PREP: variants seen among roughly 807,000 people sequenced by gnomAD.
PREP encodes prolyl endopeptidase.
A neutral mutation model predicts 87.6 loss-of-function variants in PREP; 29 were observed. The observed-to-expected ratio is 0.33, with a 90% CI of 0.25 to 0.45. PREP has a LOEUF of 0.45. Among genes scored for constraint, PREP ranks in the 20% least tolerant of loss-of-function variants. PREP has a pLI of 1.00. For synonymous variants in PREP, 337 were observed against 328.6 expected (o/e 1.03, Z -0.28); for missense variants, 695 against 886.5 (o/e 0.78, Z 2.74).
At chr6:105,346,190 T>C (rs1771791732) in intron 7 of PREP, among the ~76,000 whole-genome samples, 1 of 152,194 alleles carries the variant, frequency 6.6e-6, no homozygotes, top group African/African-American at 2.4e-5. Flanking sequence ...TTTGCTAAGC[T>C]TTGGACAGCT....
Position 105,333,322 on chromosome 6 carries a change from T to C in PREP, c.1007A>G (p.Asp336Gly). Residue 336 changes from aspartate to glycine, a missense_variant, in exon 8 of 15, where the codon GAT (aspartate) becomes GGT (glycine). Around this residue, in one of 5 missense-constraint regions of PREP, gnomAD observed 517 missense variants for 620.3 expected, o/e 0.83. Coordinates refer to ENST00000652536, the MANE Select transcript of PREP (RefSeq NM_002726.5). ...WKVLVPEHEK[D>G]VLEWIACVRS... is the part of the protein sequence containing the mutation. ...GTCACATGTGTTCTCACCTAAGACA[T>C]CTTTCTCATGCTCAGGAACAAGTAC... The C allele has an allele frequency of 1.9e-6, 3 of 1,613,794 alleles. No individual in the cohort carries two copies. Among genetic ancestry groups the C allele is most frequent in the Non-Finnish European group, 2.5e-6 (3 of 1,179,670 alleles).
chr6:105,349,898 TAAAAAAAAA>T (rs1162063177), intron 7 of PREP, among the ~76,000 whole-genome samples: 10 of 59,444 alleles, frequency 1.7e-4, no homozygotes, highest in Admixed American at 4.3e-4. Context: ...GGGAAGCAGG[TAAAAAAAAA>T]AAAAAAAAAA....
At position 105,277,128 on chromosome 6, in the gene PREP, A is replaced by C. The variant is rs567404370; in HGVS notation, c.*1016T>G. On this transcript the variant is annotated 3_prime_UTR_variant, in exon 15 of 15. Coordinates refer to ENST00000652536, the MANE Select transcript of PREP (RefSeq NM_002726.5). ...TGGATGAAAGTTTAAGGAATAGTAT[A>C]TCTTAAAAATCTTGGGGGTGGGCAA... Among the ~76,000 whole-genome samples, 1 of 151,480 alleles carries C rather than the reference A, an allele frequency of 6.6e-6. No individual in the cohort carries two copies. The highest frequency in any genetic ancestry group is 1.9e-4 in the East Asian group (1 of 5,136).
chr6:105,309,263 T>A (rs1770710926), intron 10 of PREP, among the ~76,000 whole-genome samples: 1 of 152,156 alleles, frequency 6.6e-6, no homozygotes, highest in South Asian at 2.1e-4. Context: ...CCCTACTGTT[T>A]TAGTTTTGAT....
At chr6:105,322,773 T>C in intron 10 of PREP, 1 of 1,050,228 alleles carries the variant, frequency 9.5e-7, no homozygotes, top group South Asian at 3.4e-5. Flanking sequence ...GCCCACCACC[T>C]GTTTTAGTAA....
At chr6:105,345,154 A>G (rs932832842) in intron 7 of PREP, among the ~76,000 whole-genome samples, 1 of 152,240 alleles carries the variant, frequency 6.6e-6, no homozygotes, top group East Asian at 1.9e-4. Context: ...CAGTTCAACA[A>G]TGGGGCTCAT....
chr6:105,349,345 G>C (rs1429652824), intron 7 of PREP, among the ~76,000 whole-genome samples: 1 of 152,204 alleles, frequency 6.6e-6, no homozygotes, highest in Non-Finnish European at 1.5e-5. Context: ...ACACTTATTT[G>C]ACAAAATGAA....
chr6:105,370,483 A>C (rs1341028503), intron 5 of PREP, among the ~76,000 whole-genome samples: 21 of 152,044 alleles, frequency 1.4e-4, no homozygotes, highest in Non-Finnish European at 1.5e-5. Flanking sequence ...TTCTTATAAA[A>C]CTGAACAGAC....
At chr6:105,343,726 T>C (rs1771722387) in intron 7 of PREP, among the ~76,000 whole-genome samples, 1 of 152,162 alleles carries the variant, frequency 6.6e-6, no homozygotes, top group East Asian at 1.9e-4. Flanking sequence ...GAACAGACAC[T>C]TCTCAAAAGA....
At chr6:105,366,201 C>G (rs10214906) in intron 6 of PREP, among the ~76,000 whole-genome samples, 31,587 of 151,398 alleles carry the variant, frequency 0.21, 4,642 homozygotes, top group African/African-American at 0.43. Context: ...AGGTTGGAGT[C>G]AGCCGAGACT....
intron 7 of PREP, among the ~76,000 whole-genome samples, chr6:105,335,819 G>A (rs1283165696): frequency 6.6e-6 from 1 of 152,090 alleles, no homozygotes; most frequent in African/African-American, 2.4e-5. Flanking sequence ...CGTGAACCCG[G>A]GAGGCAGAGC....
Position 105,276,977 on chromosome 6 carries a change from T to TATC in PREP, c.*1164_*1166dup. Among the ~76,000 whole-genome samples the TATC allele has an allele frequency of 6.6e-6, 1 of 151,994 alleles. No homozygotes were observed. The highest frequency in any genetic ancestry group is 3.4e-3 in the Middle Eastern group (1 of 294). On this transcript the variant is annotated 3_prime_UTR_variant, in exon 15 of 15. Transcript: ENST00000652536. ...CTATATAAAATAATAATTTTTATCA[T>TATC]ATCATCTGATAAAGCAAGACAAAGG...
rs1459556889 is a variant in PREP, at chr6:105,278,152, T to C, written c.2125A>G (p.Ile709Val). Residue 709 changes from isoleucine to valine, a missense_variant, in exon 15 of 15, where the codon ATT becomes GTT. This residue lies in a region of PREP where 121 missense variants were observed against 154.8 expected (regional missense o/e 0.78). Transcript: ENST00000652536. The surrounding 1 kb of genome is among the most constrained non-coding windows in gnomAD (Gnocchi z 4.2). The stretch of plus-strand genomic sequence containing the variant: ...GGAAGCACGAAAACTGTTTATGGAA[T>C]CCAGTCGACGTTCAGGCACCGCGCG... ...FIARCLNVDW[I>V]P is the part of the protein sequence containing the mutation. 1.2e-6 allele frequency: 2 copies of C among 1,608,648 alleles called. No homozygotes were observed. Among genetic ancestry groups the C allele is most frequent in the Non-Finnish European group, 1.7e-6 (2 of 1,176,012 alleles).
At chr6:105,376,313 C>T (rs953147431) in intron 3 of PREP, 58 bp from the exon 4 acceptor site, 2 of 1,563,418 alleles carry the variant, frequency 1.3e-6, no homozygotes, top group Non-Finnish European at 1.7e-6. Flanking sequence ...TGGAGTAAAA[C>T]CAAACACACA....
At chr6:105,342,360 C>T (rs189312365) in intron 7 of PREP, among the ~76,000 whole-genome samples, 33 of 152,284 alleles carry the variant, frequency 2.2e-4, no homozygotes, top group Middle Eastern at 3.4e-3. Flanking sequence ...GCTCAATAAA[C>T]TAGGTATTGA....
intron 2 of PREP, among the ~76,000 whole-genome samples, chr6:105,378,302 T>C (rs932686852): frequency 2.0e-5 from 3 of 152,120 alleles, no homozygotes; most frequent in African/African-American, 7.2e-5. Flanking sequence ...CTACTAAAAA[T>C]ACAAAAATTT....
At chr6:105,296,768 C>T (rs1277377469) in intron 10 of PREP, among the ~76,000 whole-genome samples, 3 of 152,148 alleles carry the variant, frequency 2.0e-5, no homozygotes, top group African/African-American at 2.4e-5. Flanking sequence ...CTTCATTCCT[C>T]GAAATCTTTT....
At chr6:105,341,817 C>T (rs1242721123) in intron 7 of PREP, among the ~76,000 whole-genome samples, 3 of 152,182 alleles carry the variant, frequency 2.0e-5, no homozygotes, top group South Asian at 2.1e-4. Context: ...TGGACACACA[C>T]GCCCTCCCAA....
rs2308160 is a variant in PREP at position 105,277,518 on chromosome 6, T to TGACA, written c.*622_*625dup. 10,398 of 152,562 alleles carry TGACA rather than the reference T, an allele frequency of 0.068. 904 individuals are homozygous for TGACA. The highest frequency in any genetic ancestry group is 0.21 in the African/African-American group (8,764 of 41,448). 9.5% of individuals were successfully genotyped at this position (152,562 alleles called of 1,614,324 possible). On this transcript the variant is annotated 3_prime_UTR_variant, in exon 15 of 15. Transcript: ENST00000652536. ...TTTGTTTATGACAGTGAACCCCCTCTGACAGCTTCATCACCTCTAACAAAC... is the reference window on the plus strand; with the variant it reads ...TTTGTTTATGACAGTGAACCCCCTCTGACAGACAGCTTCATCACCTCTAACAAAC...
Sources: allele counts gnomAD v4.1 joint callset (sites outside exome capture counted in the v4.1 genomes callset), GRCh38; gene constraint gnomAD v4.1.1; regional missense constraint gnomAD v4.1.1; non-coding constraint Gnocchi (gnomAD v3.1); transcripts MANE v1.5; gene names NCBI Gene and HGNC (gene_info 2026-07-23, HGNC 2026-07-21).